Variants in SLCO1A2 observed in about 807,000 individuals in gnomAD.
The protein encoded by SLCO1A2 is solute carrier organic anion transporter family member 1A2.
SLCO1A2 carries 67 observed loss-of-function variants against 69.0 expected under a neutral mutation model. The observed-to-expected ratio is 0.97, with a 90% CI of 0.80 to 1.19. SLCO1A2 has a LOEUF of 1.19. Among genes scored for constraint, SLCO1A2 ranks in the 50% most tolerant of loss-of-function variants. The pLI is 0.00. For missense variants in SLCO1A2, 787 were observed against 793.7 expected, an observed-to-expected ratio of 0.99 and a Z score of 0.10; for synonymous variants, 260 against 265.9, an observed-to-expected ratio of 0.98 and a Z score of 0.22.
chr12:21,396,055 T>G (rs1941443398), upstream of SLCO1A2, among the ~76,000 whole-genome samples: 1 of 151,766 alleles, frequency 6.6e-6, no homozygotes, highest in African/African-American at 2.4e-5. Context: ...GAAGAAGGCT[T>G]CAGACGATCA....
intron 2 of SLCO1A2, among the ~76,000 whole-genome samples, chr12:21,367,457 G>T (rs1480582102): frequency 6.6e-6 from 1 of 152,076 alleles, no homozygotes; most frequent in South Asian, 2.1e-4. Flanking sequence ...GGCTATAGGA[G>T]AAAGATTTCC....
chr12:21,317,126 G>A (rs773665374), intron 3 of SLCO1A2, among the ~76,000 whole-genome samples: 17 of 152,042 alleles, frequency 1.1e-4, no homozygotes, highest in Non-Finnish European at 2.4e-4. Context: ...ATCATATGGT[G>A]TTAGAATGCT....
intron 12 of SLCO1A2, among the ~76,000 whole-genome samples, chr12:21,290,986 T>C (rs1377435627): frequency 6.6e-6 from 1 of 152,182 alleles, no homozygotes; most frequent in Non-Finnish European, 1.5e-5. Flanking sequence ...GCAGGAAATA[T>C]AATGAGTAAA....
intron 1 of SLCO1A2, among the ~76,000 whole-genome samples, chr12:21,389,040 A>T (rs1941026460): frequency 6.6e-6 from 1 of 152,212 alleles, no homozygotes; most frequent in South Asian, 2.1e-4. Flanking sequence ...AAAATCTCAC[A>T]CATCTGTGGT....
intron 3 of SLCO1A2, among the ~76,000 whole-genome samples, chr12:21,316,291 C>G (rs1360138235): frequency 1.3e-5 from 2 of 152,084 alleles, no homozygotes; most frequent in Non-Finnish European, 2.9e-5. Flanking sequence ...TTTTAAGCCT[C>G]TCTCTCTCAA....
At chr12:21,342,867 T>G (rs899825207) in intron 2 of SLCO1A2, among the ~76,000 whole-genome samples, 1 of 152,068 alleles carries the variant, frequency 6.6e-6, no homozygotes, top group Non-Finnish European at 1.5e-5. Flanking sequence ...AGATGATTCC[T>G]AGGTTTCTAG....
chr12:21,272,956 T>TAACA (rs1019431818), intron 14 of SLCO1A2, among the ~76,000 whole-genome samples: 84 of 152,314 alleles, frequency 5.5e-4, no homozygotes, highest in African/African-American at 2.0e-3. Context: ...ATTTGTAAGC[T>TAACA]AACAGGCTAG....
chr12:21,361,108 T>G (rs1349192374), intron 2 of SLCO1A2, among the ~76,000 whole-genome samples: 2 of 152,136 alleles, frequency 1.3e-5, no homozygotes, highest in African/African-American at 4.8e-5. Flanking sequence ...CCCTGACCCC[T>G]GAGTAGCCTA....
At chr12:21,291,298 CA>C (rs1218761043) in intron 12 of SLCO1A2, among the ~76,000 whole-genome samples, 2 of 151,988 alleles carry the variant, frequency 1.3e-5, no homozygotes, top group African/African-American at 4.8e-5. Context: ...CAGATGCACA[CA>C]AAAAATTCTA....
intron 2 of SLCO1A2, among the ~76,000 whole-genome samples, chr12:21,368,817 T>C (rs1231281591): frequency 6.6e-6 from 1 of 152,114 alleles, no homozygotes; most frequent in African/African-American, 2.4e-5. Flanking sequence ...ATTGATATAA[T>C]TCAAAAAATT....
intron 1 of SLCO1A2, among the ~76,000 whole-genome samples, chr12:21,415,398 T>C (rs1941973547): frequency 6.6e-6 from 1 of 152,136 alleles, no homozygotes; most frequent in Non-Finnish European, 1.5e-5. Flanking sequence ...TTACCTCATA[T>C]ATTTCATATA....
chr12:21,381,505 G>C (rs1200614242), intron 1 of SLCO1A2, among the ~76,000 whole-genome samples: 3 of 152,072 alleles, frequency 2.0e-5, no homozygotes, highest in African/African-American at 7.2e-5. Flanking sequence ...TTATTAAAAA[G>C]TCAAAAAACA....
chr12:21,349,806 G>A lies in SLCO1A2; in HGVS notation c.-62-15097C>T, dbSNP rs965880126. ...CACCTTGGCTAACTTCAATTCATCT[G>A]TAAGTGCCACTTTAGGAGGCTTAAT... On this transcript the variant is annotated intron_variant, in intron 2 of 15. Transcript: ENST00000307378. Among the ~76,000 whole-genome samples the A allele has an allele frequency of 3.9e-5, 6 of 152,228 alleles. No homozygotes were observed. In the South Asian group the frequency reaches 6.2e-4, roughly 16 times the overall value.
At chr12:21,415,738 A>G (rs1279326795) in intron 1 of SLCO1A2, among the ~76,000 whole-genome samples, 1 of 151,962 alleles carries the variant, frequency 6.6e-6, no homozygotes, top group African/African-American at 2.4e-5. Context: ...GAATTTCACT[A>G]TAGTATATGT....
At chr12:21,303,896 T>G (rs936153369) in intron 6 of SLCO1A2, among the ~76,000 whole-genome samples, 3 of 152,124 alleles carry the variant, frequency 2.0e-5, no homozygotes, top group Non-Finnish European at 4.4e-5. Flanking sequence ...ACAGATCAGA[T>G]TTAATAAATG....
chr12:21,356,623 G>A (rs1425183332), intron 2 of SLCO1A2, among the ~76,000 whole-genome samples: 1 of 152,050 alleles, frequency 6.6e-6, no homozygotes, highest in Non-Finnish European at 1.5e-5. Context: ...ATATACTAAA[G>A]GGAACAATTC....
At chr12:21,303,674 G>A (rs2136481859) in intron 6 of SLCO1A2, among the ~76,000 whole-genome samples, 1 of 152,300 alleles carries the variant, frequency 6.6e-6, no homozygotes, top group Non-Finnish European at 1.5e-5. Context: ...GAGATTGGAA[G>A]GCAGCACAAG....
chr12:21,271,124 C>A (rs1200190951), intron 14 of SLCO1A2, among the ~76,000 whole-genome samples: 1 of 151,762 alleles, frequency 6.6e-6, no homozygotes, highest in South Asian at 2.1e-4. Flanking sequence ...GCTCTATTTG[C>A]AAATAAGGTC....
intron 2 of SLCO1A2, among the ~76,000 whole-genome samples, chr12:21,331,571 A>G (rs140742341): frequency 6.6e-6 from 1 of 152,134 alleles, no homozygotes; most frequent in African/African-American, 2.4e-5. Flanking sequence ...AGAAATTAAG[A>G]CTAGCCGGCT....
Sources: allele counts gnomAD v4.1 joint callset (sites outside exome capture counted in the v4.1 genomes callset), GRCh38; gene constraint gnomAD v4.1.1; transcripts MANE v1.5; gene names NCBI Gene and HGNC (gene_info 2026-07-23, HGNC 2026-07-21).